NOTCH2NLC: variants seen among roughly 807,000 people sequenced by gnomAD.
The protein encoded by NOTCH2NLC is notch 2 N-terminal like C.
A neutral mutation model predicts 17.7 loss-of-function variants in NOTCH2NLC; 4 were observed. The ratio of observed to expected loss-of-function variants is 0.23; its 90% CI spans 0.11 to 0.52. The LOEUF is 0.52. Among genes scored for constraint, NOTCH2NLC ranks in the 20% least tolerant of loss-of-function variants. The pLI, the probability that NOTCH2NLC is intolerant of heterozygous loss-of-function variation, is 0.96. For synonymous variants in NOTCH2NLC, 18 were observed against 86.0 expected (o/e 0.21, Z 4.38); for missense variants, 57 against 207.2 (o/e 0.28, Z 4.45).
In NOTCH2NLC at chr1:149,468,958, C is replaced by CTTTTTTTTTTTTTTTTT. The variant is rs1175539238; in HGVS notation, c.*4813_*4829dup. On this transcript the variant is annotated 3_prime_UTR_variant, in exon 5 of 5. Transcript: ENST00000650865. The stretch of plus-strand genomic sequence containing the variant: ...GGCATGTGTCATTTTCTTTTCTTTT[C>CTTTTTTTTTTTTTTTTT]TTTTTTTTTTTTTTTTTTTTTTTTG... Among the ~76,000 whole-genome samples, 5 of 53,452 alleles carry CTTTTTTTTTTTTTTTTT rather than the reference C, an allele frequency of 9.4e-5. No homozygotes were observed. The highest frequency in any genetic ancestry group is 1.3e-4 in the Non-Finnish European group (4 of 30,284). 35.1% of individuals were successfully genotyped at this position (53,452 alleles called of 152,430 possible). A position where few individuals can be genotyped will look rare whatever the true frequency, so the allele number is the denominator to read the frequency against.
At chr1:149,446,627 TGCCCAGCTGAGACTTTTAAAGAA>T (rs2084555395) in intron 2 of NOTCH2NLC, among the ~76,000 whole-genome samples, 1 of 148,212 alleles carries the variant, frequency 6.7e-6, no homozygotes, top group African/African-American at 2.5e-5. Flanking sequence ...TGAGCCACTG[TGCCCAGCTGAGACTTTTAAAGAA>T]AAAGTCATAA....
rs1272030914 is a variant in NOTCH2NLC, at chr1:149,466,244, A to G, written c.*2091A>G. ...ATCAAATAGTACTTGTTACATATCA[A>G]TATGTGTGTGTGTGTGTGTGTGTGT... On this transcript the variant is annotated 3_prime_UTR_variant, in exon 5 of 5. Coordinates refer to ENST00000650865, the MANE Select transcript of NOTCH2NLC (RefSeq NM_001364013.2). 7.2e-6 allele frequency: 1 copy of G among 138,262 alleles called. No homozygotes were observed. The highest frequency in any genetic ancestry group is 2.8e-5 in the African/African-American group (1 of 35,852). The allele number at this position is 138,262 out of a possible 1,614,324, so 8.6% of individuals were successfully genotyped here. A position where few individuals can be genotyped will look rare whatever the true frequency, so the allele number is the denominator to read the frequency against.
At chr1:149,445,134 A>G in intron 2 of NOTCH2NLC, among the ~76,000 whole-genome samples, 1 of 135,794 alleles carries the variant, frequency 7.4e-6, no homozygotes, top group East Asian at 2.3e-4. Context: ...GAGTGACAGA[A>G]TTAAAAAGTT....
chr1:149,461,004 G>A (rs1241022322), intron 3 of NOTCH2NLC, among the ~76,000 whole-genome samples: 16 of 144,976 alleles, frequency 1.1e-4, no homozygotes, highest in African/African-American at 1.8e-4. Context: ...GCGCAGTCTC[G>A]GCTCACTGCA....
At chr1:149,393,852 ATC>A (rs1230247446) in intron 1 of NOTCH2NLC, among the ~76,000 whole-genome samples, 3 of 94,766 alleles carry the variant, frequency 3.2e-5, no homozygotes, top group Non-Finnish European at 6.2e-5. Flanking sequence ...ACTTCTTGGG[ATC>A]TCTCTGCTCC....
intron 3 of NOTCH2NLC, among the ~76,000 whole-genome samples, chr1:149,462,186 C>T (rs1356289938): frequency 1.0e-4 from 15 of 149,404 alleles, no homozygotes; most frequent in African/African-American, 2.2e-4. Context: ...AAATAATAAG[C>T]GACTTAGACT....
chr1:149,400,323 C>T (rs1209036332), intron 1 of NOTCH2NLC, among the ~76,000 whole-genome samples: 4 of 138,334 alleles, frequency 2.9e-5, no homozygotes, highest in African/African-American at 2.6e-5. Context: ...TCATCAGTGG[C>T]GTTTGTATTG....
At chr1:149,415,999 A>G (rs1399274960) in intron 1 of NOTCH2NLC, among the ~76,000 whole-genome samples, 2 of 150,488 alleles carry the variant, frequency 1.3e-5, no homozygotes, top group Non-Finnish European at 3.0e-5. Flanking sequence ...GTCAGATGAT[A>G]AAAATGCCAT....
At chr1:149,409,332 G>T (rs1270932882) in intron 1 of NOTCH2NLC, among the ~76,000 whole-genome samples, 1 of 150,014 alleles carries the variant, frequency 6.7e-6, no homozygotes, top group African/African-American at 2.4e-5. Context: ...GTGTGCATGT[G>T]TGTGTGTGTG....
At chr1:149,428,875 TTTTA>T (rs2084427496) in intron 1 of NOTCH2NLC, among the ~76,000 whole-genome samples, 1 of 150,268 alleles carries the variant, frequency 6.7e-6, no homozygotes, top group Non-Finnish European at 1.5e-5. Context: ...ACTGTGACGG[TTTTA>T]TTTATTTATT....
At chr1:149,413,140 T>C (rs1252189184) in intron 1 of NOTCH2NLC, among the ~76,000 whole-genome samples, 28 of 150,700 alleles carry the variant, frequency 1.9e-4, no homozygotes, top group Non-Finnish European at 3.4e-4. Flanking sequence ...ACTGCTGACC[T>C]CAAATGATCC....
In NOTCH2NLC at chr1:149,464,836, G is replaced by T; in HGVS notation, c.*683G>T. ...ATTGCCTCCAAAAGAAGTTGTTCTA[G>T]TTACTCTTTCAGAGTGGGAATCTTA... is the stretch of plus-strand genomic sequence containing the variant. On this transcript the variant is annotated 3_prime_UTR_variant, in exon 5 of 5. Coordinates refer to ENST00000650865, the MANE Select transcript of NOTCH2NLC (RefSeq NM_001364013.2). 1 of 151,232 alleles carries T rather than the reference G, an allele frequency of 6.6e-6. No individual in the cohort carries two copies. Among genetic ancestry groups the T allele is most frequent in the East Asian group, 2.0e-4 (1 of 5,128 alleles). The allele number at this position is 151,232 out of a possible 1,614,324, so 9.4% of individuals were successfully genotyped here.
intron 3 of NOTCH2NLC, among the ~76,000 whole-genome samples, chr1:149,462,095 A>G (rs2084653743): frequency 7.0e-6 from 1 of 143,694 alleles, no homozygotes; most frequent in African/African-American, 2.6e-5. Flanking sequence ...ACAAACCTGC[A>G]TGTTGTGCAC....
At chr1:149,449,685 T>G (rs1200801832) in intron 2 of NOTCH2NLC, among the ~76,000 whole-genome samples, 2 of 151,354 alleles carry the variant, frequency 1.3e-5, no homozygotes, top group African/African-American at 2.4e-5. Context: ...GTGTTTAATT[T>G]AGTAGACTTT....
At chr1:149,423,671 C>T (rs1462634048) in intron 1 of NOTCH2NLC, among the ~76,000 whole-genome samples, 3 of 148,932 alleles carry the variant, frequency 2.0e-5, no homozygotes, top group East Asian at 2.0e-4. Flanking sequence ...TTTGCATAAA[C>T]GTTGAAGAAA....
chr1:149,390,709 C>T lies in NOTCH2NLC; in HGVS notation c.-79C>T, dbSNP rs1280237340. 75 of 1,244,316 alleles carry T rather than the reference C, an allele frequency of 6.0e-5. 6 individuals are homozygous for T. Among genetic ancestry groups the T allele is most frequent in the African/African-American group, 1.3e-4 (8 of 61,970 alleles). 77.1% of individuals were successfully genotyped at this position (1,244,316 alleles called of 1,614,324 possible). A position where few individuals can be genotyped will look rare whatever the true frequency, so the allele number is the denominator to read the frequency against. On this transcript the variant is annotated 5_prime_UTR_variant, in exon 1 of 5. Transcript: ENST00000650865. ...GAGGCATTTGCGCCTGTGCTTCGGA[C>T]CGTAGCGCCAGGGCCTGAGCCTTTG...
chr1:149,400,443 A>G (rs2084238526), intron 1 of NOTCH2NLC, among the ~76,000 whole-genome samples: 1 of 137,864 alleles, frequency 7.3e-6, no homozygotes, highest in Non-Finnish European at 1.6e-5. Flanking sequence ...TTTGTCTTAA[A>G]TATGTCACAA....
chr1:149,461,582 T>A (rs1168596828), intron 3 of NOTCH2NLC, among the ~76,000 whole-genome samples: 1 of 151,256 alleles, frequency 6.6e-6, no homozygotes, highest in East Asian at 1.9e-4. Context: ...TCCTAGACAG[T>A]CAACTGGAGT....
chr1:149,463,065 A>T (rs1314780596), intron 3 of NOTCH2NLC, among the ~76,000 whole-genome samples: 15 of 149,548 alleles, frequency 1.0e-4, no homozygotes, highest in African/African-American at 3.2e-4. Context: ...TGAACTCCTT[A>T]CCTCATGATC....
Sources: gnomAD v4.1 joint callset for allele counts (sites outside exome capture counted in the v4.1 genomes callset) on GRCh38, gnomAD v4.1.1 for gene constraint, MANE v1.5 for transcripts, NCBI Gene and HGNC (gene_info 2026-07-23, HGNC 2026-07-21) for gene names.